Variants in LRMDA observed in about 807,000 individuals in gnomAD.
LRMDA encodes leucine-rich melanocyte differentiation-associated protein.
LRMDA carries 18 observed loss-of-function variants against 29.8 expected under a neutral mutation model. That is an observed-to-expected ratio of 0.60 (90% CI 0.42 to 0.90). The LOEUF is 0.90. Among genes scored for constraint, LRMDA ranks in the 40% least tolerant of loss-of-function variants. The pLI is 0.00. For synonymous variants in LRMDA, 125 were observed against 109.4 expected, an observed-to-expected ratio of 1.14 and a Z score of -0.89; for missense variants, 273 against 273.9, an observed-to-expected ratio of 1.00 and a Z score of 0.02.
chr10:75,988,568 G>A lies in LRMDA; in HGVS notation c.132-47440G>A, dbSNP rs549531008. ...TTCTCCCTTTCCCACCAAGATTCAC[G>A]CAGACCGGAACAGAGTCTTTCAATG... On this transcript the variant is annotated intron_variant, in intron 2 of 6. Coordinates refer to ENST00000611255, the MANE Select transcript of LRMDA (RefSeq NM_001305581.2). Among the ~76,000 whole-genome samples, 10 of 145,928 alleles carry A rather than the reference G, an allele frequency of 6.9e-5. No individual in the cohort carries two copies. In the South Asian group the frequency reaches 1.3e-3, roughly 19 times the overall value.
chr10:75,679,505 G>T (rs1159733347), intron 2 of LRMDA, among the ~76,000 whole-genome samples: 1 of 152,128 alleles, frequency 6.6e-6, no homozygotes, highest in Non-Finnish European at 1.5e-5. Flanking sequence ...AGTCATGAAG[G>T]TTCTCTGGAT....
chr10:75,627,369 C>T (rs557967067), intron 2 of LRMDA, among the ~76,000 whole-genome samples: 1 of 152,124 alleles, frequency 6.6e-6, no homozygotes, highest in Admixed American at 6.6e-5. Flanking sequence ...TAACAGTTTT[C>T]CTGTGTTCTT....
At chr10:76,205,681 G>A (rs1851521280) in intron 5 of LRMDA, among the ~76,000 whole-genome samples, 1 of 152,134 alleles carries the variant, frequency 6.6e-6, no homozygotes, top group Non-Finnish European at 1.5e-5. Context: ...GGGGTGCGGG[G>A]TGAAGGGGAG....
intron 5 of LRMDA, among the ~76,000 whole-genome samples, chr10:76,315,694 GCAGA>G (rs1840686504): frequency 6.6e-6 from 1 of 152,208 alleles, no homozygotes; most frequent in African/African-American, 2.4e-5. Context: ...AACGTGGAAG[GCAGA>G]CAGGTCCCTG....
At chr10:75,596,145 A>G (rs1840784890) in intron 2 of LRMDA, among the ~76,000 whole-genome samples, 1 of 152,210 alleles carries the variant, frequency 6.6e-6, no homozygotes, top group South Asian at 2.1e-4. Context: ...CAGGCATTTC[A>G]CCCACATACT....
chr10:75,597,839 G>A (rs1030283909), intron 2 of LRMDA, among the ~76,000 whole-genome samples: 1 of 152,194 alleles, frequency 6.6e-6, no homozygotes, highest in Non-Finnish European at 1.5e-5. Flanking sequence ...CTTTTATGTT[G>A]TTGTTGTGAC....
At chr10:76,154,452 T>G (rs758985387) in intron 5 of LRMDA, among the ~76,000 whole-genome samples, 2 of 152,170 alleles carry the variant, frequency 1.3e-5, no homozygotes, top group Non-Finnish European at 2.9e-5. Context: ...AAATACAATA[T>G]AAAAGATGAC....
At chr10:76,030,327 C>T (rs1347169709) in intron 2 of LRMDA, among the ~76,000 whole-genome samples, 1 of 151,916 alleles carries the variant, frequency 6.6e-6, no homozygotes, top group Non-Finnish European at 1.5e-5. Context: ...ACTCTACATA[C>T]TGTATATAGT....
chr10:76,060,302 C>T (rs998809769), intron 5 of LRMDA, among the ~76,000 whole-genome samples: 16 of 152,188 alleles, frequency 1.1e-4, no homozygotes, highest in Non-Finnish European at 2.2e-4. Context: ...GGCAGCTCTA[C>T]ATTGTCACAC....
At chr10:76,503,067 C>A (rs1001642355) in intron 6 of LRMDA, among the ~76,000 whole-genome samples, 1 of 151,768 alleles carries the variant, frequency 6.6e-6, no homozygotes, top group Non-Finnish European at 1.5e-5. Context: ...GAAGTATGTT[C>A]TTTTAACACA....
At chr10:76,404,904 A>G (rs1841887096) in intron 6 of LRMDA, among the ~76,000 whole-genome samples, 1 of 152,178 alleles carries the variant, frequency 6.6e-6, no homozygotes, top group African/African-American at 2.4e-5. Flanking sequence ...TTACAACAGA[A>G]ATAGAAGTTG....
intron 2 of LRMDA, among the ~76,000 whole-genome samples, chr10:75,625,620 G>A (rs1841240695): frequency 6.6e-6 from 1 of 152,134 alleles, no homozygotes; most frequent in Non-Finnish European, 1.5e-5. Context: ...TCTCTAACCT[G>A]TAGATTTCTT....
chr10:75,782,803 T>C, intron 2 of LRMDA: 5 of 1,427,220 alleles, frequency 3.5e-6, no homozygotes, highest in East Asian at 2.5e-5. Context: ...CAACTTTCAC[T>C]TGTTGAGAAC....
At chr10:76,540,117 C>G (rs113325917) in intron 6 of LRMDA, among the ~76,000 whole-genome samples, 1 of 151,484 alleles carries the variant, frequency 6.6e-6, no homozygotes, top group Admixed American at 6.6e-5. Flanking sequence ...AGAAGACACA[C>G]ACAACACACA....
Position 76,137,956 on chromosome 10 carries a change from G to C in LRMDA, c.516+79173G>C, listed in dbSNP as rs1033056940. ...GAACAGAAGGAAGAACTGAGGAGCGGTGAGAACTAAATTAGGAGAATGTTT... is the reference window on the plus strand; with the variant it reads ...GAACAGAAGGAAGAACTGAGGAGCGCTGAGAACTAAATTAGGAGAATGTTT... On this transcript the variant is annotated intron_variant, in intron 5 of 6. Coordinates refer to ENST00000611255, the MANE Select transcript of LRMDA (RefSeq NM_001305581.2). Among the ~76,000 whole-genome samples the C allele has an allele frequency of 6.6e-5, 10 of 152,238 alleles. No homozygotes were observed. In the East Asian group the frequency reaches 1.9e-3, roughly 29 times the overall value.
chr10:75,761,331 C>A (rs1019268170), intron 2 of LRMDA, among the ~76,000 whole-genome samples: 1 of 152,134 alleles, frequency 6.6e-6, no homozygotes, highest in Non-Finnish European at 1.5e-5. Context: ...CCTATATTTA[C>A]AATGTAATAT....
intron 2 of LRMDA, among the ~76,000 whole-genome samples, chr10:75,959,383 A>G (rs887761980): frequency 6.6e-6 from 1 of 152,178 alleles, no homozygotes; most frequent in Non-Finnish European, 1.5e-5. Flanking sequence ...CTTGGAGCCT[A>G]GCATACCACA....
chr10:76,149,144 C>T (rs7913479), intron 5 of LRMDA, among the ~76,000 whole-genome samples: 103,163 of 152,106 alleles, frequency 0.68, 35,342 homozygotes, highest in East Asian at 0.85. Flanking sequence ...TGTTCATCTT[C>T]CCTTAGGTGA....
At chr10:76,060,042 G>A (rs1239472848) in intron 5 of LRMDA, among the ~76,000 whole-genome samples, 5 of 152,128 alleles carry the variant, frequency 3.3e-5, no homozygotes, top group Admixed American at 6.5e-5. Context: ...TCTAGCTTTT[G>A]TAATTTTTCC....
Sources: gnomAD v4.1 joint callset for allele counts (sites outside exome capture counted in the v4.1 genomes callset) on GRCh38, gnomAD v4.1.1 for gene constraint, MANE v1.5 for transcripts, NCBI Gene and HGNC (gene_info 2026-07-23, HGNC 2026-07-21) for gene names.